ZNF280D: variants seen among roughly 807,000 people sequenced by gnomAD.
The protein encoded by ZNF280D is zinc finger protein 280D.
A neutral mutation model predicts 94.7 loss-of-function variants in ZNF280D; 39 were observed. The ratio of observed to expected loss-of-function variants is 0.41; its 90% CI spans 0.32 to 0.54. The LOEUF is 0.54. Ranked by LOEUF, ZNF280D falls within the 20% of genes least tolerant of loss-of-function variation. ZNF280D has a pLI of 0.22. For synonymous variants in ZNF280D, 398 were observed against 377.6 expected, an observed-to-expected ratio of 1.05 and a Z score of -0.63; for missense variants, 1,090 against 1,149.3, an observed-to-expected ratio of 0.95 and a Z score of 0.75.
In ZNF280D at chr15:56,720,777, C is replaced by T. The variant is rs115102737; in HGVS notation, c.-86+12681G>A. Among the ~76,000 whole-genome samples the T allele has an allele frequency of 9.9e-3, 1,514 of 152,186 alleles. 24 individuals carry two copies. The highest frequency in any genetic ancestry group is 0.034 in the African/African-American group (1,409 of 41,520). ...ATCAGAGCTCTTGGGTGACTAGATGCACTATCAATGAGCAGTAATATTTTG... is the reference window on the plus strand; with the variant it reads ...ATCAGAGCTCTTGGGTGACTAGATGTACTATCAATGAGCAGTAATATTTTG... On this transcript the variant is annotated intron_variant, in intron 1 of 21. Coordinates refer to ENST00000267807, the MANE Select transcript of ZNF280D (RefSeq NM_017661.4).
chr15:56,684,923 T>G (rs187609063), intron 9 of ZNF280D, among the ~76,000 whole-genome samples: 1 of 152,216 alleles, frequency 6.6e-6, no homozygotes, highest in African/African-American at 2.4e-5. Context: ...CCAAGTTATA[T>G]CATTATAAAA....
chr15:56,680,440 T>C (rs1355959913), intron 10 of ZNF280D, among the ~76,000 whole-genome samples: 1 of 152,190 alleles, frequency 6.6e-6, no homozygotes, highest in Non-Finnish European at 1.5e-5. Flanking sequence ...TAAACATACG[T>C]AGCTAGTCTT....
intron 16 of ZNF280D, among the ~76,000 whole-genome samples, chr15:56,661,148 C>T (rs181971691): frequency 2.9e-4 from 44 of 152,230 alleles, no homozygotes; most frequent in Non-Finnish European, 4.4e-5. Flanking sequence ...TAGAAGCCAG[C>T]TAACAATTAG....
chr15:56,689,165 G>C lies in ZNF280D; in HGVS notation c.671-15C>G. Reference sequence around the variant, plus strand: ...GGTATTTGTACCTAAAATAAATTCAGAACATTTATGACTCAAAATTCATCA... The same window carrying C: ...GGTATTTGTACCTAAAATAAATTCACAACATTTATGACTCAAAATTCATCA... On this transcript the variant is annotated splice_polypyrimidine_tract_variant and intron_variant, in intron 8 of 21. Coordinates refer to ENST00000267807, the MANE Select transcript of ZNF280D (RefSeq NM_017661.4). 2.5e-6 allele frequency: 4 copies of C among 1,590,768 alleles called. 1 individual carries two copies. In the South Asian group the frequency reaches 4.6e-5, roughly 18 times the overall value.
chr15:56,646,122 T>C lies in ZNF280D; in HGVS notation c.2214-3125A>G, dbSNP rs572972462. Among the ~76,000 whole-genome samples the C allele has an allele frequency of 2.0e-5, 3 of 152,288 alleles. No homozygotes were observed. In the East Asian group the frequency reaches 5.8e-4, roughly 29 times the overall value. ...AGCAACCAGTAGTAAAGTCAGCCAG[T>C]AATCATGACCTTCAACTTAGCCCAG... On this transcript the variant is annotated intron_variant, in intron 19 of 21. Coordinates refer to ENST00000267807, the MANE Select transcript of ZNF280D (RefSeq NM_017661.4).
intron 1 of ZNF280D, 44 bp from the exon 2 acceptor site, chr15:56,707,350 T>C (rs1293079014): frequency 6.8e-7 from 1 of 1,471,108 alleles, no homozygotes; most frequent in South Asian, 1.2e-5. Flanking sequence ...CTTCATTAAA[T>C]TAGATGTATA....
chr15:56,649,030 C>A (rs1375534635), intron 19 of ZNF280D, among the ~76,000 whole-genome samples: 2 of 151,600 alleles, frequency 1.3e-5, no homozygotes, highest in African/African-American at 4.9e-5. Context: ...TTTAGATAGA[C>A]AGAAGAAAGA....
At chr15:56,667,349 C>A (rs1032899343) in intron 14 of ZNF280D, among the ~76,000 whole-genome samples, 19 of 152,106 alleles carry the variant, frequency 1.2e-4, no homozygotes, top group African/African-American at 4.3e-4. Flanking sequence ...AATCTCAAGC[C>A]TGAAAAATAA....
At chr15:56,725,949 C>G (rs2058731242) in intron 1 of ZNF280D, among the ~76,000 whole-genome samples, 1 of 151,832 alleles carries the variant, frequency 6.6e-6, no homozygotes, top group Admixed American at 6.6e-5. Context: ...ACCAGAAAAA[C>G]AGGAATGTTT....
At chr15:56,652,598 T>C (rs1348613087) in intron 19 of ZNF280D, 4 of 971,440 alleles carry the variant, frequency 4.1e-6, no homozygotes, top group African/African-American at 1.8e-5. Context: ...AGGAAAGAAA[T>C]ACATGCATTA....
At chr15:56,679,214 A>G (rs2055453825) in intron 10 of ZNF280D, among the ~76,000 whole-genome samples, 1 of 152,188 alleles carries the variant, frequency 6.6e-6, no homozygotes, top group African/African-American at 2.4e-5. Context: ...TTGGAATCCT[A>G]TTTACATTTT....
chr15:56,662,361 C>A (rs1200553378), intron 16 of ZNF280D, among the ~76,000 whole-genome samples: 2 of 152,038 alleles, frequency 1.3e-5, no homozygotes, highest in Non-Finnish European at 2.9e-5. Flanking sequence ...AACAATACTC[C>A]AACTGCTTCA....
intron 9 of ZNF280D, among the ~76,000 whole-genome samples, chr15:56,687,897 C>T (rs1327138074): frequency 6.6e-6 from 1 of 152,072 alleles, no homozygotes; most frequent in East Asian, 1.9e-4. Flanking sequence ...ATTTTTTCTA[C>T]CTTTTTTGTA....
chr15:56,708,738 AC>A (rs1408051414), intron 1 of ZNF280D, among the ~76,000 whole-genome samples: 2 of 152,336 alleles, frequency 1.3e-5, no homozygotes, highest in Admixed American at 1.3e-4. Flanking sequence ...GACAAACCTG[AC>A]AAAAACAAGA....
At chr15:56,649,108 A>G (rs1451127762) in intron 19 of ZNF280D, among the ~76,000 whole-genome samples, 1 of 152,200 alleles carries the variant, frequency 6.6e-6, no homozygotes, top group Non-Finnish European at 1.5e-5. Context: ...ACGTGAAGAA[A>G]AAAAATAAGA....
At chr15:56,699,385 C>T (rs371631578) in intron 6 of ZNF280D, 10 of 911,090 alleles carry the variant, frequency 1.1e-5, no homozygotes, top group East Asian at 1.2e-4. Flanking sequence ...CTTTATTATT[C>T]CTAAAATATA....
At position 56,704,267 on chromosome 15, in the gene ZNF280D, C is replaced by T. The variant is rs758086589; in HGVS notation, c.29G>A (p.Ser10Asn). The change falls in exon 4 of 22, where the codon AGT becomes AAT. Residue 10 changes from serine (S) to asparagine (N), a missense_variant and splice_region_variant. Physicochemically the swap from Ser to Asn is conservative, Grantham distance 46. Around this residue, in one of 3 missense-constraint regions of ZNF280D, gnomAD observed 386 missense variants for 372.0 expected, o/e 1.04. Transcript: ENST00000267807. ...AAACAGTTCTGCCATTTTTGAATTA[C>T]CTAATTTTCAAAAGGAGAGAAGTAA... MGDNPFQPKSNSKMAELFME... is the reference protein window; with the variant it reads MGDNPFQPKNNSKMAELFME... 7 of 1,601,304 alleles carry T rather than the reference C, an allele frequency of 4.4e-6. No homozygotes were observed. The highest frequency in any genetic ancestry group is 1.3e-5 in the African/African-American group (1 of 74,080).
At position 56,724,830 on chromosome 15, in the gene ZNF280D, C is replaced by T. The variant is rs1255221526; in HGVS notation, c.-86+8628G>A. On this transcript the variant is annotated intron_variant, in intron 1 of 21. Coordinates refer to ENST00000267807, the MANE Select transcript of ZNF280D (RefSeq NM_017661.4). ...ACAATGTAGTGTCACTGAAGTAGTG[C>T]CAATTTTCTTATTTACCTTTTTCTA... 11 of 449,084 alleles carry T rather than the reference C, an allele frequency of 2.4e-5. No individual in the cohort carries two copies. In the Admixed American group the frequency reaches 2.7e-4, roughly 11 times the overall value. 27.8% of individuals were successfully genotyped at this position (449,084 alleles called of 1,614,324 possible).
At chr15:56,669,873 T>TTA (rs71113014) in intron 13 of ZNF280D, among the ~76,000 whole-genome samples, 213 of 8,480 alleles carry the variant, frequency 0.025, 24 homozygotes, top group African/African-American at 0.084. Context: ...TATATATATT[T>TTA]TATATATATA....
Sources: allele counts gnomAD v4.1 joint callset (sites outside exome capture counted in the v4.1 genomes callset), GRCh38; gene constraint gnomAD v4.1.1; regional missense constraint gnomAD v4.1.1; transcripts MANE v1.5; gene names NCBI Gene and HGNC (gene_info 2026-07-23, HGNC 2026-07-21).